FAM20C: variants seen among roughly 807,000 people sequenced by gnomAD.
FAM20C encodes FAM20C golgi associated secretory pathway kinase.
A neutral mutation model predicts 51.5 loss-of-function variants in FAM20C; 40 were observed. The ratio of observed to expected loss-of-function variants is 0.78; its 90% CI spans 0.60 to 1.01. The LOEUF (loss-of-function observed/expected upper bound fraction) is 1.01. FAM20C is among the 50% of genes least tolerant of loss of function. The pLI is 0.00. For synonymous variants in FAM20C, 406 were observed against 380.6 expected (o/e 1.07, Z -0.78); for missense variants, 861 against 844.7 (o/e 1.02, Z -0.24).
intron 3 of FAM20C, among the ~76,000 whole-genome samples, chr7:242,069 C>T (rs1222992913): frequency 6.6e-6 from 1 of 152,200 alleles, no homozygotes; most frequent in Admixed American, 6.5e-5. Flanking sequence ...CCCCAGAGGC[C>T]CCCTGCGCTC....
Position 193,873 on chromosome 7 carries a change from C to G in FAM20C, c.605+69C>G, listed in dbSNP as rs890511590. 7.4e-6 allele frequency: 11 copies of G among 1,487,434 alleles called. No individual in the cohort carries two copies. In the South Asian group the frequency reaches 1.4e-4, roughly 19 times the overall value. The allele number at this position is 1,487,434 out of a possible 1,614,324, so 92.1% of individuals were successfully genotyped here. ...GCCCAAGGCATGGTGTAGAGAGGTT[C>G]AGGGGCCCCAGAGGGCCGCCCCCCA... On this transcript the variant is annotated intron_variant, in intron 1 of 9. Transcript: ENST00000313766.
At chr7:232,387 C>T (rs1000454613) in intron 3 of FAM20C, among the ~76,000 whole-genome samples, 1 of 152,220 alleles carries the variant, frequency 6.6e-6, no homozygotes, top group African/African-American at 2.4e-5. Flanking sequence ...GAGCCGTCTC[C>T]TCCCTGGACA....
chr7:226,974 C>A (rs537847441), intron 3 of FAM20C, among the ~76,000 whole-genome samples: 2 of 152,170 alleles, frequency 1.3e-5, no homozygotes, highest in Non-Finnish European at 2.9e-5. Flanking sequence ...CTGCAGCCGT[C>A]CAAGCCCACA....
chr7:249,207 A>T (rs1174029551), intron 5 of FAM20C, among the ~76,000 whole-genome samples: 1 of 152,070 alleles, frequency 6.6e-6, no homozygotes, highest in Non-Finnish European at 1.5e-5. Context: ...CCCCCGTTGT[A>T]TAGTAACAGG....
At position 243,384 on chromosome 7, in the gene FAM20C, T is replaced by C. The variant is rs866941987; in HGVS notation, c.864-3031T>C. Among the ~76,000 whole-genome samples the C allele has an allele frequency of 5.0e-3, 129 of 25,824 alleles. 22 individuals are homozygous for C. The highest frequency in any genetic ancestry group is 6.5e-3 in the Non-Finnish European group (102 of 15,598). The allele number at this position is 25,824 out of a possible 152,430, so 16.9% of individuals were successfully genotyped here. On this transcript the variant is annotated intron_variant, in intron 3 of 9. Coordinates refer to ENST00000313766, the MANE Select transcript of FAM20C (RefSeq NM_020223.4). ...ACCTGTGCCACCAGGAGACCTGTGCTAACCAGGAGACCTGTGCCACCCGGG... is the reference window on the plus strand; with the variant it reads ...ACCTGTGCCACCAGGAGACCTGTGCCAACCAGGAGACCTGTGCCACCCGGG...
chr7:256,943 G>GT, intron 7 of FAM20C, 62 bp from the exon 8 acceptor site: 1 of 1,512,326 alleles, frequency 6.6e-7, no homozygotes, highest in South Asian at 1.2e-5. Context: ...AGAGCACAGA[G>GT]GCCTCTGAGC....
chr7:193,340 G>A lies in FAM20C; in HGVS notation c.141G>A (p.Ser47=), dbSNP rs1479618083. ...GGCCCTCGGGGGAGCCCGGCTGTTC[G>A]TGCGCGCAGCCCGCCGCCGAGGTGG... ...GARPSGEPGC[S]CAQPAAEVAA... Residue 47 remains serine, a synonymous_variant, in exon 1 of 10, where the codon TCG becomes TCA. Transcript: ENST00000313766. The A allele has an allele frequency of 1.5e-6, 2 of 1,326,852 alleles. No homozygotes were observed. Among genetic ancestry groups the A allele is most frequent in the Non-Finnish European group, 9.7e-7 (1 of 1,032,530 alleles). 82.2% of individuals were successfully genotyped at this position (1,326,852 alleles called of 1,614,324 possible).
intron 3 of FAM20C, among the ~76,000 whole-genome samples, chr7:209,441 G>A (rs77990766): frequency 0.018 from 2,751 of 152,304 alleles, 86 homozygotes; most frequent in African/African-American, 0.062. Context: ...GCAGCCAGAC[G>A]CAGTACGTGG....
At position 199,027 on chromosome 7, in the gene FAM20C, A is replaced by C. The variant is rs139622532; in HGVS notation, c.784+3295A>C. ...ACCTGTGAACCAAGTGTGCCATGGG[A>C]GCTGCTCCATGTCCAGGTCCAGGTC... is the stretch of plus-strand genomic sequence containing the variant. On this transcript the variant is annotated intron_variant, in intron 2 of 9. Transcript: ENST00000313766. 3.6e-3 allele frequency among the ~76,000 whole-genome samples: 549 copies of C among 152,280 alleles called. 3 individuals carry two copies. The highest frequency in any genetic ancestry group is 4.8e-3 in the Non-Finnish European group (326 of 68,020).
At chr7:214,347 T>A (rs1786865479) in intron 3 of FAM20C, among the ~76,000 whole-genome samples, 1 of 152,196 alleles carries the variant, frequency 6.6e-6, no homozygotes. Context: ...AATCTTTACA[T>A]GTTCTAAATA....
At chr7:220,734 C>T (rs980423597) in intron 3 of FAM20C, among the ~76,000 whole-genome samples, 2 of 152,190 alleles carry the variant, frequency 1.3e-5, no homozygotes, top group Admixed American at 6.5e-5. Flanking sequence ...GGGCGGGACC[C>T]GTGCACACAG....
intron 3 of FAM20C, among the ~76,000 whole-genome samples, chr7:212,939 G>A (rs979288200): frequency 1.3e-5 from 2 of 151,304 alleles, no homozygotes; most frequent in Non-Finnish European, 1.5e-5. Flanking sequence ...GAAATCCTTC[G>A]CCATTCTGTC....
chr7:243,127 C>G (rs1788009186), intron 3 of FAM20C, among the ~76,000 whole-genome samples: 1 of 92,296 alleles, frequency 1.1e-5, no homozygotes, highest in Non-Finnish European at 2.2e-5. Flanking sequence ...CCCAAGAGAC[C>G]TGTGCCACCC....
intron 3 of FAM20C, among the ~76,000 whole-genome samples, chr7:243,099 C>T (rs1284901642): frequency 7.9e-6 from 1 of 126,440 alleles, no homozygotes; most frequent in East Asian, 2.4e-4. Context: ...ACCTGTGCCA[C>T]CCGGGAGACC....
rs973464584 is a variant in FAM20C, at chr7:256,723, C to T, written c.1323C>T (p.Ile441=). 54 of 1,536,126 alleles carry T rather than the reference C, an allele frequency of 3.5e-5. No homozygotes were observed. In the Admixed American group the frequency reaches 7.6e-4, roughly 22 times the overall value. ...QTPPYDSSHR[I]LDVMDMTIFD... Reference sequence around the variant, plus strand: ...CGCCCTACGACAGCAGCCACCGCATCCTGGACGTCATGGACATGACGATCT... The same window carrying T: ...CGCCCTACGACAGCAGCCACCGCATTCTGGACGTCATGGACATGACGATCT... The change falls in exon 7 of 10, where the codon ATC becomes ATT. Residue 441 remains isoleucine (I), a synonymous_variant. Transcript: ENST00000313766.
At chr7:245,274 C>T (rs139630551) in intron 3 of FAM20C, among the ~76,000 whole-genome samples, 3,572 of 150,436 alleles carry the variant, frequency 0.024, 56 homozygotes, top group South Asian at 0.077. Flanking sequence ...GGCTGCAGGG[C>T]GTGCGAGCTG....
At chr7:237,044 T>C (rs1436909321) in intron 3 of FAM20C, among the ~76,000 whole-genome samples, 3 of 152,232 alleles carry the variant, frequency 2.0e-5, no homozygotes, top group Non-Finnish European at 4.4e-5. Context: ...AGCCCGCAGG[T>C]GGCCTGTGAG....
At chr7:259,436 C>G (rs978267163) in intron 9 of FAM20C, among the ~76,000 whole-genome samples, 1 of 43,318 alleles carries the variant, frequency 2.3e-5, no homozygotes, top group Non-Finnish European at 5.0e-5. Context: ...TCTCTGCCGT[C>G]TCTATCTGTG....
At chr7:253,774 G>A (rs976079177) in intron 5 of FAM20C, among the ~76,000 whole-genome samples, 2 of 151,812 alleles carry the variant, frequency 1.3e-5, no homozygotes, top group African/African-American at 4.8e-5. Flanking sequence ...TCTGCAAAGA[G>A]AAATGGCTGT....
Sources: allele counts gnomAD v4.1 joint callset (sites outside exome capture counted in the v4.1 genomes callset), GRCh38; gene constraint gnomAD v4.1.1; transcripts MANE v1.5; gene names NCBI Gene and HGNC (gene_info 2026-07-23, HGNC 2026-07-21).